The following ST18 variants were observed in gnomAD, a reference collection of about 807,000 sequenced individuals.
ST18 encodes suppression of tumorigenicity 18 protein.
Under a neutral mutation model 110.0 loss-of-function variants are expected in ST18, and 50 were observed. The observed-to-expected ratio is 0.45, with a 90% confidence interval of 0.36 to 0.58. The LOEUF (loss-of-function observed/expected upper bound fraction) is 0.58, where lower values mean the gene tolerates loss of function less well. Among genes scored for constraint, ST18 ranks in the 20% least tolerant of loss-of-function variants. ST18 has a pLI of 0.00. For missense variants in ST18, 1,306 were observed against 1,280.1 expected (o/e 1.02, Z -0.31); for synonymous variants, 461 against 452.4 (o/e 1.02, Z -0.24).
chr8:52,242,369 A>G (rs1041779070), intron 2 of ST18, among the ~76,000 whole-genome samples: 25 of 152,190 alleles, frequency 1.6e-4, no homozygotes, highest in African/African-American at 5.3e-4. Flanking sequence ...TCTGGGGGCT[A>G]TGGTGCCTGA....
At chr8:52,155,564 G>A (rs2059819685) in intron 15 of ST18, among the ~76,000 whole-genome samples, 1 of 152,170 alleles carries the variant, frequency 6.6e-6, no homozygotes, top group Admixed American at 6.5e-5. Flanking sequence ...GTGAACAGCA[G>A]CATGAGCCTT....
At chr8:52,133,007 T>C (rs1586600200) in intron 21 of ST18, 50 bp downstream of exon 21, 2 of 1,602,822 alleles carry the variant, frequency 1.2e-6, no homozygotes, top group East Asian at 4.5e-5. Flanking sequence ...TTCCCTCCCA[T>C]TTTACCAACA....
intron 15 of ST18, among the ~76,000 whole-genome samples, chr8:52,157,933 T>A (rs927538189): frequency 2.6e-5 from 4 of 152,228 alleles, no homozygotes; most frequent in African/African-American, 4.8e-5. Flanking sequence ...ATGCAGAAAA[T>A]CTTCCACATA....
At chr8:52,234,287 CAG>C (rs1795623137) in intron 2 of ST18, among the ~76,000 whole-genome samples, 1 of 151,648 alleles carries the variant, frequency 6.6e-6, no homozygotes, top group Non-Finnish European at 1.5e-5. Flanking sequence ...TTTTTTGAGA[CAG>C]AGTCTCACTC....
intron 2 of ST18, among the ~76,000 whole-genome samples, chr8:52,340,567 G>A (rs1814465756): frequency 6.6e-6 from 1 of 151,990 alleles, no homozygotes; most frequent in African/African-American, 2.4e-5. Context: ...ATATCACCTG[G>A]GTATGATTTC....
intron 8 of ST18, among the ~76,000 whole-genome samples, chr8:52,211,047 G>A (rs2081992610): frequency 6.6e-6 from 1 of 152,216 alleles, no homozygotes; most frequent in Non-Finnish European, 1.5e-5. Flanking sequence ...GAACTAAACA[G>A]TGGATTTGGG....
At chr8:52,308,221 C>G (rs1445181835) in intron 2 of ST18, among the ~76,000 whole-genome samples, 10 of 152,050 alleles carry the variant, frequency 6.6e-5, no homozygotes, top group Admixed American at 5.9e-4. Context: ...CAAACCAAGG[C>G]GAAAAAACCA....
intron 2 of ST18, among the ~76,000 whole-genome samples, chr8:52,394,242 C>T (rs1412975024): frequency 2.6e-5 from 4 of 152,282 alleles, no homozygotes; most frequent in East Asian, 1.9e-4. Context: ...GCCAATTCCA[C>T]CTGTCATGTT....
chr8:52,365,774 C>A (rs1436352379), intron 2 of ST18, among the ~76,000 whole-genome samples: 1 of 152,082 alleles, frequency 6.6e-6, no homozygotes, highest in African/African-American at 2.4e-5. Context: ...CCACAGCTCA[C>A]TACAGCCTCG....
At chr8:52,114,052 C>T (rs1371159367) in intron 25 of ST18, among the ~76,000 whole-genome samples, 2 of 136,334 alleles carry the variant, frequency 1.5e-5, no homozygotes, top group African/African-American at 2.7e-5. Flanking sequence ...TCACTGCAAC[C>T]TCTGCCTCCC....
chr8:52,301,717 T>C (rs924318063), intron 2 of ST18: 1 of 152,214 alleles, frequency 6.6e-6, no homozygotes, highest in Admixed American at 6.5e-5. Context: ...AGAAAGTCAG[T>C]AGAAAATCCA....
chr8:52,168,676 A>T (rs889260071), intron 10 of ST18, among the ~76,000 whole-genome samples: 3 of 152,268 alleles, frequency 2.0e-5, no homozygotes, highest in Non-Finnish European at 4.4e-5. Flanking sequence ...AGGCATTTAC[A>T]TTAGGAAAGA....
At chr8:52,361,884 GT>G (rs1480872604) in intron 2 of ST18, among the ~76,000 whole-genome samples, 1 of 151,038 alleles carries the variant, frequency 6.6e-6, no homozygotes, top group African/African-American at 2.5e-5. Flanking sequence ...AATTCAAAGC[GT>G]TTGTTGATTT....
chr8:52,158,779 G>A, intron 15 of ST18, 119 bp downstream of exon 15: 2 of 1,152,902 alleles, frequency 1.7e-6, no homozygotes, highest in Non-Finnish European at 2.5e-6. Context: ...GAGACAGGGA[G>A]GGGATCGCTT....
chr8:52,397,587 A>G (rs1841573561), intron 2 of ST18, among the ~76,000 whole-genome samples: 1 of 152,122 alleles, frequency 6.6e-6, no homozygotes, highest in African/African-American at 2.4e-5. Context: ...TTATGGTTTC[A>G]GGTCTTACAT....
At chr8:52,195,595 C>G (rs960555454) in intron 8 of ST18, among the ~76,000 whole-genome samples, 6 of 151,986 alleles carry the variant, frequency 3.9e-5, no homozygotes, top group Non-Finnish European at 8.8e-5. Flanking sequence ...CTTAAAAAAA[C>G]TTTTAAAGAA....
intron 2 of ST18, among the ~76,000 whole-genome samples, chr8:52,362,622 A>G (rs1446349299): frequency 6.6e-6 from 1 of 152,210 alleles, no homozygotes; most frequent in African/African-American, 2.4e-5. Flanking sequence ...ATAATTATAT[A>G]ATACATTTTC....
At chr8:52,128,769 G>T (rs185556436) in intron 22 of ST18, among the ~76,000 whole-genome samples, 1 of 152,210 alleles carries the variant, frequency 6.6e-6, no homozygotes, top group Admixed American at 6.5e-5. Flanking sequence ...GTGCCAACCT[G>T]TATTCAAAGC....
At chr8:52,328,714 T>C (rs1234784326) in intron 2 of ST18, among the ~76,000 whole-genome samples, 1 of 152,162 alleles carries the variant, frequency 6.6e-6, no homozygotes, top group East Asian at 1.9e-4. Flanking sequence ...ATGATAATAA[T>C]TTAGAAAATT....
Sources: gnomAD v4.1 joint callset for allele counts (sites outside exome capture counted in the v4.1 genomes callset) on GRCh38, gnomAD v4.1.1 for gene constraint, MANE v1.5 for transcripts, NCBI Gene and HGNC (gene_info 2026-07-23, HGNC 2026-07-21) for gene names.